Variants in KCNH5 observed in about 807,000 individuals in gnomAD.
KCNH5 encodes potassium voltage-gated channel subfamily H member 5, also known as voltage-gated delayed rectifier potassium channel KCNH5.
Under a neutral mutation model 96.1 loss-of-function variants are expected in KCNH5, and 46 were observed. The ratio of observed to expected loss-of-function variants is 0.48; its 90% CI spans 0.38 to 0.61. The LOEUF is 0.61. Among genes scored for constraint, KCNH5 ranks in the 20% least tolerant of loss-of-function variants. The pLI, the probability that KCNH5 is intolerant of heterozygous loss-of-function variation, is 0.00. For synonymous variants in KCNH5, 439 were observed against 449.8 expected (o/e 0.98, Z 0.30); for missense variants, 907 against 1,225.8 (o/e 0.74, Z 3.88).
In KCNH5 at chr14:62,875,470, C is replaced by T. The variant is rs145038001; in HGVS notation, c.1370-25618G>A. ...TACTAGGCTACAGTAACCAAAACAG[C>T]ATGGTACTGGTACCAAAACAGAGAT... On this transcript the variant is annotated intron_variant, in intron 7 of 10. Coordinates refer to ENST00000322893, the MANE Select transcript of KCNH5 (RefSeq NM_139318.5). 1.5e-4 allele frequency among the ~76,000 whole-genome samples: 23 copies of T among 152,260 alleles called. 2 individuals are homozygous for T. The East Asian group carries it at 4.4e-3, about 29-fold the overall frequency.
intron 4 of KCNH5, among the ~76,000 whole-genome samples, chr14:62,988,934 C>T (rs937049778): frequency 6.6e-6 from 1 of 151,970 alleles, no homozygotes; most frequent in African/African-American, 2.4e-5. Context: ...ACTCATGCAT[C>T]CCTGATCTTG....
At position 63,016,899 on chromosome 14, in the gene KCNH5, A is replaced by G. The variant is rs778679218; in HGVS notation, c.129T>C (p.Ser43=). 6.2e-7 allele frequency: 1 copy of G among 1,610,612 alleles called. No homozygotes were observed. Among genetic ancestry groups the G allele is most frequent in the Non-Finnish European group, 8.5e-7 (1 of 1,178,012 alleles). The change falls in exon 2 of 11, where the codon AGT becomes AGC. Residue 43 remains serine, a synonymous_variant. Transcript: ENST00000322893. ...CAGAGAGTTTACAAAAACCGTCATT[A>G]CTATAAACTACAGGCCAATCCACAA... ...AQIVDWPVVY[S]NDGFCKLSGY...
At position 62,853,456 on chromosome 14, in the gene KCNH5, C is replaced by CAT. The variant is rs61444088; in HGVS notation, c.1370-3606_1370-3605dup. ...TCATTTCCCAAACAAAAAGAATAAT[C>CAT]ATATATATATATATATATATATATC... On this transcript the variant is annotated intron_variant, in intron 7 of 10. Coordinates refer to ENST00000322893, the MANE Select transcript of KCNH5 (RefSeq NM_139318.5). 3.7e-3 allele frequency among the ~76,000 whole-genome samples: 341 copies of CAT among 93,264 alleles called. 17 individuals are homozygous for CAT. The highest frequency in any genetic ancestry group is 0.01 in the African/African-American group (206 of 20,202). 61.2% of individuals were successfully genotyped at this position (93,264 alleles called of 152,430 possible).
chr14:62,899,833 C>CAAAAA (rs10544668), intron 7 of KCNH5, among the ~76,000 whole-genome samples: 3 of 139,126 alleles, frequency 2.2e-5, no homozygotes, highest in Non-Finnish European at 3.2e-5. Context: ...GACTCCGTCT[C>CAAAAA]AAAAAAAAAA....
intron 4 of KCNH5, among the ~76,000 whole-genome samples, chr14:62,991,421 G>C (rs925928415): frequency 6.6e-6 from 1 of 151,882 alleles, no homozygotes; most frequent in African/African-American, 2.4e-5. Flanking sequence ...AGAAAAAAAA[G>C]TGGTGGCAAA....
At chr14:62,792,113 A>G (rs1459500396) in intron 9 of KCNH5, among the ~76,000 whole-genome samples, 4 of 151,638 alleles carry the variant, frequency 2.6e-5, no homozygotes, top group Non-Finnish European at 5.9e-5. Context: ...AAGAACAGAA[A>G]GAACAAAATG....
chr14:62,987,590 G>A (rs999070898), intron 4 of KCNH5, among the ~76,000 whole-genome samples: 4 of 152,182 alleles, frequency 2.6e-5, no homozygotes, highest in Non-Finnish European at 5.9e-5. Flanking sequence ...AATGCAGACA[G>A]AAGTAATGTG....
chr14:62,845,133 A>G (rs1423815730), intron 8 of KCNH5, among the ~76,000 whole-genome samples: 2 of 152,144 alleles, frequency 1.3e-5, no homozygotes, highest in Non-Finnish European at 2.9e-5. Context: ...AAAAATTATC[A>G]ATAAAATATA....
At chr14:63,004,505 C>G (rs1891089824) in intron 3 of KCNH5, among the ~76,000 whole-genome samples, 1 of 152,116 alleles carries the variant, frequency 6.6e-6, no homozygotes, top group African/African-American at 2.4e-5. Flanking sequence ...TAACATAAGG[C>G]AAAATAACTA....
At chr14:62,859,160 A>T (rs1887985624) in intron 7 of KCNH5, among the ~76,000 whole-genome samples, 1 of 152,166 alleles carries the variant, frequency 6.6e-6, no homozygotes, top group Non-Finnish European at 1.5e-5. Context: ...TGCCCTTTCC[A>T]TGATGGAAGA....
At chr14:62,840,566 CTTTTTTT>C (rs71120238) in intron 8 of KCNH5, among the ~76,000 whole-genome samples, 1 of 76,366 alleles carries the variant, frequency 1.3e-5, no homozygotes, top group Non-Finnish European at 2.3e-5. Flanking sequence ...TCTTTTTTTT[CTTTTTTT>C]TTTTTTTTTT....
Position 63,001,476 on chromosome 14 carries a change from T to A in KCNH5, c.305-17A>T. The A allele has an allele frequency of 6.2e-7, 1 of 1,605,244 alleles. No homozygotes were observed. The highest frequency in any genetic ancestry group is 2.2e-5 in the East Asian group (1 of 44,652). The stretch of plus-strand genomic sequence containing the variant: ...CAGGGGTTCCTGTAACAGAAAGAAG[T>A]TGGGGAAAGGACATTAGAGTGTGGC... On this transcript the variant is annotated splice_polypyrimidine_tract_variant and intron_variant, in intron 3 of 10. Coordinates refer to ENST00000322893, the MANE Select transcript of KCNH5 (RefSeq NM_139318.5).
intron 1 of KCNH5, among the ~76,000 whole-genome samples, chr14:63,023,970 G>A (rs964959233): frequency 1.3e-5 from 2 of 152,108 alleles, no homozygotes; most frequent in Non-Finnish European, 2.9e-5. Context: ...AGCACTTTGG[G>A]AGGCTGAGCC....
chr14:62,728,212 C>T (rs1383616172), intron 10 of KCNH5, among the ~76,000 whole-genome samples: 1 of 89,466 alleles, frequency 1.1e-5, no homozygotes, highest in Admixed American at 1.6e-4. Flanking sequence ...GAAACCCTAT[C>T]TCTATTAAAC....
intron 7 of KCNH5, among the ~76,000 whole-genome samples, chr14:62,929,146 T>C (rs1239285726): frequency 6.6e-6 from 1 of 152,078 alleles, no homozygotes; most frequent in African/African-American, 2.4e-5. Flanking sequence ...CCTTAAGAGA[T>C]ATATAAACCA....
chr14:62,889,469 G>A (rs1888661016), intron 7 of KCNH5, among the ~76,000 whole-genome samples: 1 of 152,200 alleles, frequency 6.6e-6, no homozygotes, highest in South Asian at 2.1e-4. Flanking sequence ...GGAAGCAAGG[G>A]AAAAGTCAAC....
intron 8 of KCNH5, among the ~76,000 whole-genome samples, chr14:62,816,766 A>G (rs1490220601): frequency 2.0e-5 from 3 of 152,016 alleles, no homozygotes; most frequent in African/African-American, 7.2e-5. Flanking sequence ...TACATATTTG[A>G]CATGTAGCTG....
chr14:62,732,311 A>G (rs557990091), intron 10 of KCNH5, among the ~76,000 whole-genome samples: 12 of 152,048 alleles, frequency 7.9e-5, no homozygotes, highest in Middle Eastern at 6.8e-3. Flanking sequence ...AGGAAATAAA[A>G]TTTTCTTCCT....
chr14:63,016,763 A>T, intron 2 of KCNH5, 68 bp downstream of exon 2: 2 of 1,517,252 alleles, frequency 1.3e-6, no homozygotes, highest in Non-Finnish European at 1.8e-6. Context: ...AGTAAGCTTA[A>T]GCCTTTTAAT....
Sources: allele counts gnomAD v4.1 joint callset (sites outside exome capture counted in the v4.1 genomes callset), GRCh38; gene constraint gnomAD v4.1.1; transcripts MANE v1.5; gene names NCBI Gene and HGNC (gene_info 2026-07-23, HGNC 2026-07-21).